FARP2: variants seen among roughly 807,000 people sequenced by gnomAD.
FARP2 encodes FERM, ARHGEF and pleckstrin domain-containing protein 2.
A neutral mutation model predicts 130.5 loss-of-function variants in FARP2; 111 were observed. The observed-to-expected ratio is 0.85, with a 90% CI of 0.73 to 1.00. The LOEUF (loss-of-function observed/expected upper bound fraction) is 1.00. Ranked by LOEUF, FARP2 falls within the 50% of genes least tolerant of loss-of-function variation. FARP2 has a pLI of 0.00. For missense variants in FARP2, 1,385 were observed against 1,346.3 expected (o/e 1.03, Z -0.45); for synonymous variants, 504 against 516.9 (o/e 0.98, Z 0.34).
chr2:241,423,761 G>A (rs1301728958), intron 8 of FARP2, among the ~76,000 whole-genome samples: 1 of 152,096 alleles, frequency 6.6e-6, no homozygotes, highest in African/African-American at 2.4e-5. Flanking sequence ...TGAAGGGATG[G>A]AATAAAATTT....
Position 241,468,123 on chromosome 2 carries a change from C to G in FARP2, c.1894-17C>G, listed in dbSNP as rs778389088. The G allele has an allele frequency of 1.9e-6, 3 of 1,549,212 alleles. No homozygotes were observed. The highest frequency in any genetic ancestry group is 2.7e-6 in the Non-Finnish European group (3 of 1,120,862). ...TACATCTCCTCACCTAAAGGCCCCA[C>G]TCTTGCGCCTCCACAGGAGTTTACC... On this transcript the variant is annotated splice_polypyrimidine_tract_variant and intron_variant, in intron 17 of 26. Transcript: ENST00000264042.
intron 1 of FARP2, 200 bp from the exon 2 acceptor site, chr2:241,372,884 G>GT: frequency 3.1e-6 from 1 of 324,106 alleles, no homozygotes; most frequent in Non-Finnish European, 5.6e-6. Flanking sequence ...GGTGGTGCTT[G>GT]TTATTTTATG....
At chr2:241,411,619 A>T (rs2062520775) in intron 6 of FARP2, among the ~76,000 whole-genome samples, 1 of 152,234 alleles carries the variant, frequency 6.6e-6, no homozygotes, top group African/African-American at 2.4e-5. Flanking sequence ...CTTCAAAAAT[A>T]AACCATGAGA....
chr2:241,483,575 G>A (rs2064678880), intron 20 of FARP2, 42 bp downstream of exon 20: 2 of 1,587,428 alleles, frequency 1.3e-6, no homozygotes, highest in South Asian at 1.1e-5. Flanking sequence ...CCCCCGAGGG[G>A]GATGGGCAGC....
rs769121136 is a variant in FARP2, at chr2:241,448,552, T to C, written c.1411+6996T>C. On this transcript the variant is annotated intron_variant, in intron 13 of 26. Coordinates refer to ENST00000264042, the MANE Select transcript of FARP2 (RefSeq NM_014808.4). The stretch of plus-strand genomic sequence containing the variant: ...ATGCTTCTCAAAGTTTTGGACACAA[T>C]GTATTAGAACAAAAACATAGAGGCT... Among the ~76,000 whole-genome samples, 8 of 152,344 alleles carry C rather than the reference T, an allele frequency of 5.3e-5. No homozygotes were observed. The South Asian group carries it at 1.0e-3, about 20-fold the overall frequency.
chr2:241,469,180 G>A (rs539298717), intron 18 of FARP2, among the ~76,000 whole-genome samples: 24 of 151,600 alleles, frequency 1.6e-4, no homozygotes, highest in African/African-American at 4.6e-4. Context: ...TCCACTTCCC[G>A]GGTTCAAGTG....
At chr2:241,377,419 G>A (rs1466470822) in intron 2 of FARP2, among the ~76,000 whole-genome samples, 2 of 149,520 alleles carry the variant, frequency 1.3e-5, no homozygotes, top group African/African-American at 4.9e-5. Flanking sequence ...TCGGCTCACT[G>A]CAAGCTCCGC....
chr2:241,366,120 T>TATACAC (rs1238134390), intron 1 of FARP2, among the ~76,000 whole-genome samples: 1 of 44,342 alleles, frequency 2.3e-5, no homozygotes, highest in Admixed American at 3.2e-4. Flanking sequence ...TATATATATA[T>TATACAC]ACGTATATAT....
intron 13 of FARP2, among the ~76,000 whole-genome samples, chr2:241,455,968 A>G (rs936938641): frequency 3.3e-5 from 5 of 151,968 alleles, no homozygotes; most frequent in Admixed American, 1.3e-4. Flanking sequence ...TTATCTTTAA[A>G]ATTTGGCACT....
At chr2:241,491,819 T>TAGA in intron 24 of FARP2, 140 bp downstream of exon 24, 2 of 770,382 alleles carry the variant, frequency 2.6e-6, no homozygotes, top group Non-Finnish European at 4.0e-6. Context: ...CTCCCCTTGG[T>TAGA]AGAAGTTGGT....
chr2:241,388,443 A>G (rs1166434047), intron 2 of FARP2, among the ~76,000 whole-genome samples: 2 of 152,242 alleles, frequency 1.3e-5, no homozygotes, highest in African/African-American at 4.8e-5. Flanking sequence ...TGGATCATTA[A>G]TGTAAATGTC....
intron 1 of FARP2, among the ~76,000 whole-genome samples, chr2:241,366,062 C>G (rs561614481): frequency 8.9e-5 from 5 of 56,292 alleles, no homozygotes; most frequent in Non-Finnish European, 2.0e-4. Context: ...CGAGACCAGC[C>G]TGGGTAACCT....
At chr2:241,389,664 T>G (rs544800542) in intron 2 of FARP2, among the ~76,000 whole-genome samples, 1 of 152,246 alleles carries the variant, frequency 6.6e-6, no homozygotes, top group Admixed American at 6.5e-5. Context: ...ATAACAGTTG[T>G]CTTTCCTTCT....
chr2:241,434,627 G>A (rs891549113), intron 10 of FARP2, among the ~76,000 whole-genome samples: 1 of 152,318 alleles, frequency 6.6e-6, no homozygotes, highest in African/African-American at 2.4e-5. Flanking sequence ...CAAGGCGGGT[G>A]GATCATTTGA....
intron 20 of FARP2, 35 bp downstream of exon 20, chr2:241,483,568 C>T (rs1574908268): frequency 1.3e-6 from 2 of 1,597,276 alleles, no homozygotes; most frequent in Non-Finnish European, 1.7e-6. Context: ...GTGCTTCCCC[C>T]CGAGGGGGAT....
intron 2 of FARP2, among the ~76,000 whole-genome samples, chr2:241,390,348 C>T (rs2061877608): frequency 6.6e-6 from 1 of 152,264 alleles, no homozygotes; most frequent in Admixed American, 6.5e-5. Flanking sequence ...GGACAGGAGT[C>T]ACGAGGCATC....
chr2:241,486,486 A>C (rs1238599333), intron 21 of FARP2, among the ~76,000 whole-genome samples: 16 of 127,564 alleles, frequency 1.3e-4, no homozygotes, highest in South Asian at 5.0e-4. Context: ...AAAAAAAAAA[A>C]ACACAGAGAA....
rs934334817 is a variant in FARP2 at position 241,482,381 on chromosome 2, C to T, written c.2263-1084C>T. Among the ~76,000 whole-genome samples the T allele has an allele frequency of 4.6e-5, 7 of 152,162 alleles. No homozygotes were observed. Among genetic ancestry groups the T allele is most frequent in the African/African-American group, 1.7e-4 (7 of 41,428 alleles). On this transcript the variant is annotated intron_variant, in intron 19 of 26. Transcript: ENST00000264042. The surrounding 1 kb of genome is among the most constrained non-coding windows in gnomAD (Gnocchi z 4.6). ...AGTGCTGGGGTCTCTGAGGGTGATG[C>T]TGCTACCTGTGGCTGGAAGGAACGG... is the stretch of plus-strand genomic sequence containing the variant.
At chr2:241,487,015 G>C (rs1278420468) in intron 21 of FARP2, among the ~76,000 whole-genome samples, 1 of 152,124 alleles carries the variant, frequency 6.6e-6, no homozygotes, top group East Asian at 1.9e-4. Context: ...CCTGTGTCCT[G>C]GCATTCCATG....
Sources: allele counts gnomAD v4.1 joint callset (sites outside exome capture counted in the v4.1 genomes callset), GRCh38; gene constraint gnomAD v4.1.1; non-coding constraint Gnocchi (gnomAD v3.1); transcripts MANE v1.5; gene names NCBI Gene and HGNC (gene_info 2026-07-23, HGNC 2026-07-21).